Variants in PLEKHD1 observed in about 807,000 individuals in gnomAD.
PLEKHD1 encodes the protein pleckstrin homology and coiled-coil domain containing D1, also known as pleckstrin homology domain-containing family D member 1.
Under a neutral mutation model 69.2 loss-of-function variants are expected in PLEKHD1, and 51 were observed. The observed-to-expected ratio is 0.74, with a 90% CI of 0.59 to 0.93. The LOEUF (loss-of-function observed/expected upper bound fraction) is 0.93, where lower values mean the gene tolerates loss of function less well. Ranked by LOEUF, PLEKHD1 falls within the 40% of genes least tolerant of loss-of-function variation. The pLI, the probability that PLEKHD1 is intolerant of heterozygous loss-of-function variation, is 0.00. For missense variants in PLEKHD1, 584 were observed against 641.0 expected (o/e 0.91, Z 0.96); for synonymous variants, 236 against 244.7 (o/e 0.96, Z 0.33).
intron 6 of PLEKHD1, among the ~76,000 whole-genome samples, chr14:69,510,925 T>A (rs1479584731): frequency 1.3e-5 from 2 of 152,244 alleles, no homozygotes; most frequent in Non-Finnish European, 2.9e-5. Context: ...ATTGAGGAAG[T>A]TCCTCTCTAT....
At chr14:69,483,062 C>T (rs1882575045), upstream of PLEKHD1, among the ~76,000 whole-genome samples, 1 of 152,172 alleles carries the variant, frequency 6.6e-6, no homozygotes, top group Non-Finnish European at 1.5e-5. Flanking sequence ...CTCTCATCAT[C>T]TTCCCAGTCC....
chr14:69,512,280 T>G (rs746030170), intron 6 of PLEKHD1, among the ~76,000 whole-genome samples: 4 of 152,148 alleles, frequency 2.6e-5, no homozygotes, highest in Non-Finnish European at 5.9e-5. Flanking sequence ...TGTGTCTTCT[T>G]TCTTTTTATT....
rs10551303 is a variant in PLEKHD1, at chr14:69,499,225, G to GCACACACA, written c.150-856_150-849dup. ...ATGTAAACTTTAAACTCTCATACGT[G>GCACACACA]CACACACACACACACACACACACAC... On this transcript the variant is annotated intron_variant, in intron 1 of 12. Transcript: ENST00000322564. Among the ~76,000 whole-genome samples, 27 of 144,318 alleles carry GCACACACA rather than the reference G, an allele frequency of 1.9e-4. 1 individual carries two copies. Among genetic ancestry groups the GCACACACA allele is most frequent in the African/African-American group, 4.8e-4 (19 of 39,186 alleles). The allele number at this position is 144,318 out of a possible 152,430, so 94.7% of individuals were successfully genotyped here.
In PLEKHD1 at chr14:69,501,006, C is replaced by T. The variant is rs1883013166; in HGVS notation, c.410+59C>T. 4.0e-6 allele frequency: 6 copies of T among 1,487,726 alleles called. No homozygotes were observed. The South Asian group carries it at 7.2e-5, about 18-fold the overall frequency. 92.2% of individuals were successfully genotyped at this position (1,487,726 alleles called of 1,614,324 possible). A position where few individuals can be genotyped will look rare whatever the true frequency, so the allele number is the denominator to read the frequency against. ...ATCCAGGATGGGGTGGGCGGGGCTGCCCCTGAACTCCCTGCCTCTCTGCTG... is the reference window on the plus strand; with the variant it reads ...ATCCAGGATGGGGTGGGCGGGGCTGTCCCTGAACTCCCTGCCTCTCTGCTG... On this transcript the variant is annotated intron_variant, in intron 4 of 12. Transcript: ENST00000322564.
chr14:69,501,661 T>C (rs1233331177), intron 4 of PLEKHD1, 73 bp from the exon 5 acceptor site: 1 of 1,202,744 alleles, frequency 8.3e-7, no homozygotes, highest in Admixed American at 2.4e-5. Flanking sequence ...CTCTTTCCCC[T>C]CTACCCTTCT....
chr14:69,510,862 C>T (rs1401468421), intron 6 of PLEKHD1, among the ~76,000 whole-genome samples: 2 of 152,186 alleles, frequency 1.3e-5, no homozygotes, highest in Non-Finnish European at 2.9e-5. Context: ...CTTCTAGTTT[C>T]TCACCATTTA....
intron 6 of PLEKHD1, among the ~76,000 whole-genome samples, chr14:69,507,144 C>A (rs1465755104): frequency 6.6e-6 from 1 of 152,162 alleles, no homozygotes; most frequent in Non-Finnish European, 1.5e-5. Flanking sequence ...CCCTCCTCGG[C>A]CTCCCAAAGT....
chr14:69,488,622 G>A (rs1882705153), intron 1 of PLEKHD1, among the ~76,000 whole-genome samples: 1 of 152,170 alleles, frequency 6.6e-6, no homozygotes, highest in South Asian at 2.1e-4. Flanking sequence ...CCAGGTGGCA[G>A]TTGAGGGGCA....
intron 6 of PLEKHD1, among the ~76,000 whole-genome samples, chr14:69,514,520 T>G (rs893089089): frequency 1.3e-5 from 2 of 152,240 alleles, no homozygotes; most frequent in Non-Finnish European, 2.9e-5. Context: ...AATCTTAGTT[T>G]GCGTTTAAAT....
In PLEKHD1 at chr14:69,527,794, G is replaced by A. The variant is rs1200844978; in HGVS notation, c.1213G>A (p.Glu405Lys). 4.5e-6 allele frequency: 7 copies of A among 1,551,398 alleles called. No individual in the cohort carries two copies. The highest frequency in any genetic ancestry group is 6.1e-6 in the Non-Finnish European group (7 of 1,147,014). The change falls in exon 12 of 13, where the codon GAG (glutamate) becomes AAG (lysine). Residue 405 changes from glutamate to lysine, a missense_variant. By Grantham distance (56) the Glu-to-Lys change is moderately conservative. Coordinates refer to ENST00000322564, the MANE Select transcript of PLEKHD1 (RefSeq NM_001161498.2). ...CCCTGCCGCCACAGGGTTCTTTGAG[G>A]AGTGCATCCGGAATGCCGAGCTGGA... ...DVSHLKRFFE[E>K]CIRNAELEAK...
chr14:69,480,626 G>A (rs956768348), upstream of PLEKHD1, among the ~76,000 whole-genome samples: 1 of 152,078 alleles, frequency 6.6e-6, no homozygotes, highest in Non-Finnish European at 1.5e-5. Flanking sequence ...GTTTTAGTGG[G>A]CTAAATAATA....
At chr14:69,485,147 C>T (rs1246899113) in intron 1 of PLEKHD1, 33 bp downstream of exon 1, 53 of 1,538,040 alleles carry the variant, frequency 3.4e-5, no homozygotes, top group Non-Finnish European at 4.6e-5. Flanking sequence ...AGGAGACCGC[C>T]GGGGAGAGAG....
At chr14:69,527,472 G>GT in intron 11 of PLEKHD1, 140 bp downstream of exon 11, 1 of 1,269,002 alleles carries the variant, frequency 7.9e-7, no homozygotes, top group East Asian at 2.5e-5. Flanking sequence ...TTCTTCTCCA[G>GT]TTACCTGCCT....
At chr14:69,498,319 T>C (rs1281269443) in intron 1 of PLEKHD1, among the ~76,000 whole-genome samples, 1 of 152,066 alleles carries the variant, frequency 6.6e-6, no homozygotes, top group Non-Finnish European at 1.5e-5. Flanking sequence ...CTTCAAGTGA[T>C]CTACCTGCCT....
chr14:69,530,439 G>A lies in PLEKHD1; in HGVS notation c.*2020G>A, dbSNP rs1182948664. 1 of 152,132 alleles carries A rather than the reference G, an allele frequency of 6.6e-6. No homozygotes were observed. The allele number at this position is 152,132 out of a possible 1,614,324, so 9.4% of individuals were successfully genotyped here. ...AACTTGTTTCTCTAACACGTATGAA[G>A]GATGAACTTTGAATTGAAGGGGAAT... On this transcript the variant is annotated 3_prime_UTR_variant, in exon 13 of 13. Transcript: ENST00000322564.
chr14:69,508,308 A>C (rs1258251794), intron 6 of PLEKHD1, among the ~76,000 whole-genome samples: 1 of 151,910 alleles, frequency 6.6e-6, no homozygotes, highest in Admixed American at 6.6e-5. Context: ...TGGGAGGCTG[A>C]GGCAGGAGAA....
intron 6 of PLEKHD1, among the ~76,000 whole-genome samples, chr14:69,506,055 ACAGT>A (rs1883145392): frequency 6.6e-6 from 1 of 152,234 alleles, no homozygotes; most frequent in African/African-American, 2.4e-5. Flanking sequence ...TGGAGTGCTC[ACAGT>A]CAGAGTACAG....
chr14:69,469,720 C>G, the PLEKHD1 span, among the ~76,000 whole-genome samples: 1 of 151,874 alleles, frequency 6.6e-6, no homozygotes, highest in Non-Finnish European at 1.5e-5. Flanking sequence ...CTTAAGTTGT[C>G]TCTTTTTAGT....
At chr14:69,476,415 ATTAG>A in the PLEKHD1 span, among the ~76,000 whole-genome samples, 1 of 151,646 alleles carries the variant, frequency 6.6e-6, no homozygotes, top group Admixed American at 6.6e-5. Flanking sequence ...AAAAAAGTTT[ATTAG>A]TTAGACGTTT....
Sources: gnomAD v4.1 joint callset for allele counts (sites outside exome capture counted in the v4.1 genomes callset) on GRCh38, gnomAD v4.1.1 for gene constraint, MANE v1.5 for transcripts, NCBI Gene and HGNC (gene_info 2026-07-23, HGNC 2026-07-21) for gene names.